SEMA6D: variants seen among roughly 807,000 people sequenced by gnomAD.
The protein encoded by SEMA6D is semaphorin-6D.
Under a neutral mutation model 106.6 loss-of-function variants are expected in SEMA6D, and 35 were observed. The observed-to-expected ratio is 0.33, with a 90% confidence interval of 0.25 to 0.44. SEMA6D has a LOEUF of 0.44. Ranked by LOEUF, SEMA6D falls within the 20% of genes least tolerant of loss-of-function variation. The pLI, the probability that SEMA6D is intolerant of heterozygous loss-of-function variation, is 1.00. For synonymous variants in SEMA6D, 499 were observed against 487.7 expected (o/e 1.02, Z -0.31); for missense variants, 1,185 against 1,345.9 (o/e 0.88, Z 1.87).
At chr15:47,387,796 T>A (rs994203478) in intron 1 of SEMA6D, among the ~76,000 whole-genome samples, 1 of 152,222 alleles carries the variant, frequency 6.6e-6, no homozygotes, top group Non-Finnish European at 1.5e-5. Context: ...TTACTAGCTC[T>A]GCATCATTGG....
At chr15:47,302,085 C>T (rs1452923424) in intron 1 of SEMA6D, among the ~76,000 whole-genome samples, 1 of 152,096 alleles carries the variant, frequency 6.6e-6, no homozygotes, top group Non-Finnish European at 1.5e-5. Context: ...TACAGTTTAT[C>T]CCCTTAATTC....
At chr15:47,243,888 T>C (rs1267471965) in intron 1 of SEMA6D, among the ~76,000 whole-genome samples, 1 of 152,178 alleles carries the variant, frequency 6.6e-6, no homozygotes, top group African/African-American at 2.4e-5. Flanking sequence ...TGTTCTAGGC[T>C]GCATTCTACA....
chr15:47,765,094 C>A, intron 13 of SEMA6D, 38 bp downstream of exon 13: 2 of 1,596,162 alleles, frequency 1.3e-6, no homozygotes, highest in South Asian at 2.3e-5. Context: ...CAGCACTGCT[C>A]AAAAATTTTC....
At chr15:47,317,270 A>G (rs1006969085) in intron 1 of SEMA6D, among the ~76,000 whole-genome samples, 2 of 151,654 alleles carry the variant, frequency 1.3e-5, no homozygotes, top group East Asian at 1.9e-4. Context: ...TTCATTTTTG[A>G]TATAGTAATT....
intron 1 of SEMA6D, among the ~76,000 whole-genome samples, chr15:47,189,770 GATAA>G (rs1429444385): frequency 2.6e-5 from 4 of 152,174 alleles, no homozygotes; most frequent in Non-Finnish European, 5.9e-5. Context: ...AACAGACAAT[GATAA>G]ATAATGATCA....
At chr15:47,429,370 G>A (rs2041451127) in intron 2 of SEMA6D, among the ~76,000 whole-genome samples, 1 of 152,058 alleles carries the variant, frequency 6.6e-6, no homozygotes, top group African/African-American at 2.4e-5. Context: ...AAAATGTTAG[G>A]CAGCTGTGAG....
At chr15:47,730,418 C>T (rs985528499) in intron 1 of SEMA6D, 6 of 1,422,106 alleles carry the variant, frequency 4.2e-6, no homozygotes, top group South Asian at 3.5e-5. Flanking sequence ...CCCCATTTTA[C>T]GACACAGGGC....
chr15:47,475,797 G>A (rs1288716209), intron 3 of SEMA6D, among the ~76,000 whole-genome samples: 1 of 152,198 alleles, frequency 6.6e-6, no homozygotes, highest in Non-Finnish European at 1.5e-5. Context: ...TTTTTCCAAA[G>A]TTTGGATGAT....
intron 1 of SEMA6D, among the ~76,000 whole-genome samples, chr15:47,349,210 G>A (rs2038211114): frequency 6.6e-6 from 1 of 152,078 alleles, no homozygotes; most frequent in Admixed American, 6.6e-5. Flanking sequence ...ATGTTCATTA[G>A]GAGCAATACA....
chr15:47,591,249 C>T (rs1424492280), intron 3 of SEMA6D, among the ~76,000 whole-genome samples: 2 of 152,196 alleles, frequency 1.3e-5, no homozygotes, highest in Non-Finnish European at 2.9e-5. Flanking sequence ...CCATTCATGA[C>T]ATGGAGCTCT....
Position 47,698,417 on chromosome 15 carries a change from A to G in SEMA6D, c.-54-61328A>G, listed in dbSNP as rs115677909. Reference sequence around the variant, plus strand: ...TTGCTGCTACTGCAAAACCTCTGGCAATAAAAATAAAACTCTCTTAAGACT... The same window carrying G: ...TTGCTGCTACTGCAAAACCTCTGGCGATAAAAATAAAACTCTCTTAAGACT... On this transcript the variant is annotated intron_variant, in intron 4 of 19. Transcript: ENST00000558014. 6.6e-3 allele frequency among the ~76,000 whole-genome samples: 1,004 copies of G among 152,330 alleles called. 10 individuals are homozygous for G. Among genetic ancestry groups the G allele is most frequent in the African/African-American group, 0.023 (968 of 41,580 alleles).
chr15:47,762,992 GTTTGTT>G lies in SEMA6D; in HGVS notation c.659-20_659-15del. The stretch of plus-strand genomic sequence containing the variant: ...TAATTGAATTATCCTTTAGGAACCA[GTTTGTT>G]TTTAATTTTTCTTTCAGAGCCACAC... On this transcript the variant is annotated intron_variant, in intron 8 of 18. Coordinates refer to ENST00000536845, the MANE Select transcript of SEMA6D (RefSeq NM_001358351.3). 6.4e-7 allele frequency: 1 copy of G among 1,573,286 alleles called. No homozygotes were observed. Among genetic ancestry groups the G allele is most frequent in the East Asian group, 2.3e-5 (1 of 44,252 alleles).
chr15:47,349,858 A>C (rs1452434526), intron 1 of SEMA6D, among the ~76,000 whole-genome samples: 2 of 152,196 alleles, frequency 1.3e-5, no homozygotes, highest in Non-Finnish European at 2.9e-5. Flanking sequence ...CTCCTCATCC[A>C]TGGAAGATGA....
At chr15:47,204,129 C>G (rs1240786399) in intron 1 of SEMA6D, among the ~76,000 whole-genome samples, 1 of 152,078 alleles carries the variant, frequency 6.6e-6, no homozygotes. Context: ...GGTGGCCATT[C>G]AAGGTGATTT....
At chr15:47,497,774 G>GTAT (rs2043717523) in intron 3 of SEMA6D, among the ~76,000 whole-genome samples, 1 of 152,020 alleles carries the variant, frequency 6.6e-6, no homozygotes, top group Non-Finnish European at 1.5e-5. Context: ...GTAAACTGTA[G>GTAT]TACCATACTA....
At chr15:47,251,074 G>T (rs559226157) in intron 1 of SEMA6D, among the ~76,000 whole-genome samples, 2 of 152,290 alleles carry the variant, frequency 1.3e-5, no homozygotes, top group African/African-American at 4.8e-5. Context: ...AGAGGTAGCA[G>T]ATAGAAAAGG....
At chr15:47,745,817 A>G (rs1409945908) in intron 1 of SEMA6D, among the ~76,000 whole-genome samples, 1 of 152,248 alleles carries the variant, frequency 6.6e-6, no homozygotes, top group Non-Finnish European at 1.5e-5. Context: ...AACCTAACTT[A>G]CCATGGGCCA....
At chr15:47,508,786 C>T (rs1384145190) in intron 3 of SEMA6D, among the ~76,000 whole-genome samples, 1 of 152,202 alleles carries the variant, frequency 6.6e-6, no homozygotes, top group Non-Finnish European at 1.5e-5. Context: ...CAAATACTGG[C>T]TCCATTTCTT....
chr15:47,286,214 A>G (rs78441946), intron 1 of SEMA6D, among the ~76,000 whole-genome samples: 3,385 of 152,248 alleles, frequency 0.022, 118 homozygotes, highest in African/African-American at 0.077. Flanking sequence ...CTTCCAGTCT[A>G]CAGAGATTCT....
Sources: allele counts gnomAD v4.1 joint callset (sites outside exome capture counted in the v4.1 genomes callset), GRCh38; gene constraint gnomAD v4.1.1; transcripts MANE v1.5; gene names NCBI Gene and HGNC (gene_info 2026-07-23, HGNC 2026-07-21).